The following ADGRA3 variants were observed in gnomAD, a reference collection of about 807,000 sequenced individuals.
ADGRA3 encodes the protein G-protein coupled receptor 125.
In ADGRA3, 56 loss-of-function variants were observed where a neutral mutation model predicts 119.8. That is an observed-to-expected ratio of 0.47 (90% CI 0.38 to 0.58). The LOEUF (loss-of-function observed/expected upper bound fraction) is 0.58, where lower values mean the gene tolerates loss of function less well. Among genes scored for constraint, ADGRA3 ranks in the 20% least tolerant of loss-of-function variants. ADGRA3 has a pLI of 0.00. For missense variants in ADGRA3, 1,516 were observed against 1,649.0 expected, an observed-to-expected ratio of 0.92 and a Z score of 1.40; for synonymous variants, 607 against 623.8, an observed-to-expected ratio of 0.97 and a Z score of 0.40.
At chr4:22,455,085 A>T (rs774607565) in intron 3 of ADGRA3, 148 bp from the exon 4 acceptor site, 17 of 622,910 alleles carry the variant, frequency 2.7e-5, no homozygotes, top group Non-Finnish European at 4.6e-5. Context: ...AAATGAGATA[A>T]GGATAGCAGT....
intron 1 of ADGRA3, among the ~76,000 whole-genome samples, chr4:22,514,218 A>G (rs1719558269): frequency 6.6e-6 from 1 of 152,294 alleles, no homozygotes; most frequent in Non-Finnish European, 1.5e-5. Flanking sequence ...GACTGTAATT[A>G]AAGTCCCATA....
intron 1 of ADGRA3, among the ~76,000 whole-genome samples, chr4:22,511,285 T>C (rs1560354629): frequency 6.7e-6 from 1 of 148,356 alleles, no homozygotes; most frequent in South Asian, 2.2e-4. Flanking sequence ...TAAATAAGTA[T>C]ATTTTCAACA....
chr4:22,412,913 A>G (rs1044919488), intron 14 of ADGRA3, among the ~76,000 whole-genome samples: 3 of 152,128 alleles, frequency 2.0e-5, no homozygotes, highest in Non-Finnish European at 4.4e-5. Flanking sequence ...TTTTAAGGTC[A>G]AAGACTAACT....
chr4:22,390,570 T>G (rs751422573), intron 17 of ADGRA3, among the ~76,000 whole-genome samples: 1 of 151,772 alleles, frequency 6.6e-6, no homozygotes, highest in African/African-American at 2.4e-5. Context: ...TATCACCTTA[T>G]TGTCAGCTGT....
At chr4:22,424,491 T>C in intron 10 of ADGRA3, 139 bp from the exon 11 acceptor site, 1 of 857,390 alleles carries the variant, frequency 1.2e-6, no homozygotes, top group Non-Finnish European at 1.8e-6. Context: ...CTTTACTTGT[T>C]TCTCATGAAA....
intron 10 of ADGRA3, among the ~76,000 whole-genome samples, chr4:22,433,292 T>G (rs1716259742): frequency 6.6e-6 from 1 of 152,188 alleles, no homozygotes; most frequent in East Asian, 1.9e-4. Context: ...GATGCACTCA[T>G]GATTATTTAA....
intron 16 of ADGRA3, among the ~76,000 whole-genome samples, chr4:22,400,087 C>A (rs535395922): frequency 1.3e-5 from 2 of 152,292 alleles, no homozygotes; most frequent in African/African-American, 4.8e-5. Context: ...TGCACACTAG[C>A]AGTTCGTCTC....
In ADGRA3 at chr4:22,388,604, A is replaced by G. The variant is rs776502251; in HGVS notation, c.3067T>C (p.Leu1023=). The G allele has an allele frequency of 1.2e-6, 2 of 1,614,124 alleles. No homozygotes were observed. The highest frequency in any genetic ancestry group is 1.7e-6 in the Non-Finnish European group (2 of 1,180,020). The change falls in exon 19 of 19, where the codon TTG becomes CTG. Residue 1023 remains leucine, a synonymous_variant. Coordinates refer to ENST00000334304, the MANE Select transcript of ADGRA3 (RefSeq NM_145290.4). ...AAAACGAAGCTAAAAACCAAGTCCA[A>G]AGGGTAATACAAAGAAACAGCCAAA... ...GALAVSLYYP[L]DLVFSFVFGA...
intron 1 of ADGRA3, among the ~76,000 whole-genome samples, chr4:22,477,254 G>A: frequency 6.6e-6 from 1 of 152,110 alleles, no homozygotes; most frequent in Admixed American, 6.5e-5. Context: ...AATAACAATG[G>A]TGCTGTATTC....
intron 3 of ADGRA3, among the ~76,000 whole-genome samples, chr4:22,458,571 T>C (rs1269771835): frequency 6.6e-6 from 1 of 152,176 alleles, no homozygotes; most frequent in African/African-American, 2.4e-5. Flanking sequence ...ACAGTTGGGC[T>C]CACAGGATGA....
At chr4:22,507,345 T>C (rs1719278158) in intron 1 of ADGRA3, among the ~76,000 whole-genome samples, 5 of 152,336 alleles carry the variant, frequency 3.3e-5, no homozygotes, top group Admixed American at 2.6e-4. Flanking sequence ...CTCTGTTCTC[T>C]AGAGTTAAGA....
At chr4:22,422,117 C>T (rs753059099) in intron 11 of ADGRA3, among the ~76,000 whole-genome samples, 7 of 152,052 alleles carry the variant, frequency 4.6e-5, no homozygotes, top group Non-Finnish European at 1.0e-4. Context: ...GGAGCCACAC[C>T]TTCACATCCA....
intron 10 of ADGRA3, among the ~76,000 whole-genome samples, chr4:22,428,998 G>A (rs1028711351): frequency 6.6e-6 from 1 of 152,084 alleles, no homozygotes; most frequent in African/African-American, 2.4e-5. Context: ...GAAGATTATT[G>A]CACATAAGGC....
chr4:22,506,867 ATT>A (rs1279595652), intron 1 of ADGRA3, among the ~76,000 whole-genome samples: 4 of 152,180 alleles, frequency 2.6e-5, no homozygotes, highest in Non-Finnish European at 5.9e-5. Context: ...TTAAAATTAT[ATT>A]GTTTTACATT....
At chr4:22,453,662 C>G (rs1467905649) in intron 4 of ADGRA3, among the ~76,000 whole-genome samples, 1 of 152,134 alleles carries the variant, frequency 6.6e-6, no homozygotes. Context: ...CATGCGGAAC[C>G]CTATTCCCAG....
intron 16 of ADGRA3, among the ~76,000 whole-genome samples, chr4:22,396,045 T>C (rs181965702): frequency 1.3e-5 from 2 of 152,276 alleles, no homozygotes; most frequent in East Asian, 3.9e-4. Context: ...CTGAATCCTT[T>C]TATGGCAGAG....
At chr4:22,508,160 A>T (rs548519394) in intron 1 of ADGRA3, among the ~76,000 whole-genome samples, 1 of 152,354 alleles carries the variant, frequency 6.6e-6, no homozygotes, top group South Asian at 2.1e-4. Flanking sequence ...CACCAGTATC[A>T]TAGAAAGTGA....
intron 14 of ADGRA3, among the ~76,000 whole-genome samples, chr4:22,409,242 T>C (rs1228522026): frequency 6.6e-6 from 1 of 152,190 alleles, no homozygotes; most frequent in Non-Finnish European, 1.5e-5. Context: ...CCTTTGATTA[T>C]CAATTCCACT....
At chr4:22,493,780 CAGTT>C (rs1273750399) in intron 1 of ADGRA3, among the ~76,000 whole-genome samples, 6 of 152,258 alleles carry the variant, frequency 3.9e-5, no homozygotes, top group African/African-American at 1.2e-4. Context: ...CATTCCCAAA[CAGTT>C]AGGCATTCTA....
Sources: gnomAD v4.1 joint callset for allele counts (sites outside exome capture counted in the v4.1 genomes callset) on GRCh38, gnomAD v4.1.1 for gene constraint, MANE v1.5 for transcripts, NCBI Gene and HGNC (gene_info 2026-07-23, HGNC 2026-07-21) for gene names.